GRM7: variants seen among roughly 807,000 people sequenced by gnomAD.
GRM7 encodes the protein glutamate metabotropic receptor 7.
In GRM7, 35 loss-of-function variants were observed where a neutral mutation model predicts 84.5. The ratio of observed to expected loss-of-function variants is 0.41; its 90% CI spans 0.32 to 0.55. The LOEUF is 0.55. Ranked by LOEUF, GRM7 falls within the 20% of genes least tolerant of loss-of-function variation. The pLI, the probability that GRM7 is intolerant of heterozygous loss-of-function variation, is 0.19. For synonymous variants in GRM7, 487 were observed against 455.1 expected (o/e 1.07, Z -0.89); for missense variants, 1,003 against 1,194.6 (o/e 0.84, Z 2.36).
chr3:7,705,456 C>T (rs1211051355), intron 9 of GRM7, among the ~76,000 whole-genome samples: 1 of 152,116 alleles, frequency 6.6e-6, no homozygotes, highest in East Asian at 1.9e-4. Flanking sequence ...ACCACTCATT[C>T]CAGCTAGGGA....
At chr3:7,655,127 G>A (rs1179624705) in intron 8 of GRM7, among the ~76,000 whole-genome samples, 1 of 152,152 alleles carries the variant, frequency 6.6e-6, no homozygotes, top group African/African-American at 2.4e-5. Context: ...TCTGTGGTGG[G>A]TTATTTCAAA....
intron 4 of GRM7, among the ~76,000 whole-genome samples, chr3:7,342,656 C>G (rs1467415836): frequency 7.1e-6 from 1 of 140,082 alleles, no homozygotes; most frequent in Non-Finnish European, 1.5e-5. Flanking sequence ...GGTTCCATCC[C>G]AGACAGAGAA....
At chr3:7,342,923 T>G (rs193234842) in intron 4 of GRM7, among the ~76,000 whole-genome samples, 3 of 152,308 alleles carry the variant, frequency 2.0e-5, no homozygotes, top group Admixed American at 2.0e-4. Flanking sequence ...AAATGCGGTA[T>G]AGTTAACCTC....
chr3:7,160,388 T>C (rs1348960620), intron 2 of GRM7, among the ~76,000 whole-genome samples: 1 of 152,158 alleles, frequency 6.6e-6, no homozygotes, highest in African/African-American at 2.4e-5. Context: ...ATGAGTGATT[T>C]GTGAGGTCTT....
intron 1 of GRM7, among the ~76,000 whole-genome samples, chr3:6,903,876 G>A (rs1186819143): frequency 6.6e-6 from 1 of 152,074 alleles, no homozygotes; most frequent in African/African-American, 2.4e-5. Flanking sequence ...ATGCTAATGA[G>A]GTTGAGTCTT....
At chr3:7,185,283 G>A (rs772501110) in intron 2 of GRM7, among the ~76,000 whole-genome samples, 3 of 152,176 alleles carry the variant, frequency 2.0e-5, no homozygotes, top group African/African-American at 4.8e-5. Context: ...CTGGTTGTGT[G>A]CTCCAGTGCC....
At chr3:6,941,714 C>T (rs1258085696) in intron 1 of GRM7, among the ~76,000 whole-genome samples, 2 of 152,164 alleles carry the variant, frequency 1.3e-5, no homozygotes, top group Non-Finnish European at 2.9e-5. Context: ...ATTTCAGTCT[C>T]TTCATTCATT....
intron 8 of GRM7, among the ~76,000 whole-genome samples, chr3:7,582,726 T>C (rs112039491): frequency 3.9e-5 from 6 of 152,232 alleles, no homozygotes; most frequent in East Asian, 3.9e-4. Context: ...AATGACCAAA[T>C]TGGGGCAACT....
At chr3:7,410,769 T>C (rs1234649868) in intron 4 of GRM7, among the ~76,000 whole-genome samples, 4 of 152,016 alleles carry the variant, frequency 2.6e-5, no homozygotes, top group Non-Finnish European at 5.9e-5. Flanking sequence ...CTGAGAACAA[T>C]GTTATCATTT....
At chr3:7,709,952 C>T (rs908858423) in intron 9 of GRM7, among the ~76,000 whole-genome samples, 10 of 152,120 alleles carry the variant, frequency 6.6e-5, no homozygotes, top group Non-Finnish European at 1.3e-4. Context: ...GACCCAAGCT[C>T]CCTTTTTTCC....
chr3:7,510,701 C>A (rs1006587724), intron 7 of GRM7, among the ~76,000 whole-genome samples: 21 of 151,828 alleles, frequency 1.4e-4, no homozygotes, highest in African/African-American at 4.8e-4. Context: ...CATTGTGCAG[C>A]CCACATGCTA....
chr3:6,902,297 A>C (rs370120693), intron 1 of GRM7, among the ~76,000 whole-genome samples: 1 of 152,198 alleles, frequency 6.6e-6, no homozygotes, highest in African/African-American at 2.4e-5. Context: ...AATGACAGCT[A>C]TCCAAATTGC....
chr3:7,380,924 A>G lies in GRM7; in HGVS notation c.1034-34099A>G, dbSNP rs567680886. On this transcript the variant is annotated intron_variant, in intron 4 of 9. Transcript: ENST00000357716. ...ATTGTAACATCCAAGTCTCTGAAAA[A>G]TTTCTATTAAAATGGAGACTATAAA... 4.6e-5 allele frequency among the ~76,000 whole-genome samples: 7 copies of G among 152,272 alleles called. No homozygotes were observed. In the South Asian group the frequency reaches 1.0e-3, roughly 23 times the overall value.
chr3:7,709,896 T>G (rs1208669942), intron 9 of GRM7, among the ~76,000 whole-genome samples: 23 of 152,110 alleles, frequency 1.5e-4, no homozygotes, highest in Non-Finnish European at 2.2e-4. Context: ...GGTCCACCTT[T>G]CATTCCCCAT....
chr3:7,723,787 C>T (rs1002442935), intron 9 of GRM7, among the ~76,000 whole-genome samples: 1 of 152,120 alleles, frequency 6.6e-6, no homozygotes, highest in African/African-American at 2.4e-5. Context: ...TTTGAGGTTG[C>T]AGTGAGCTAT....
At chr3:7,015,622 A>T (rs536372023) in intron 1 of GRM7, among the ~76,000 whole-genome samples, 2 of 152,372 alleles carry the variant, frequency 1.3e-5, no homozygotes, top group African/African-American at 4.8e-5. Flanking sequence ...ATCAGGTGGC[A>T]GTTGAGATGT....
In GRM7 at chr3:6,950,367, A is replaced by C. The variant is rs553187042; in HGVS notation, c.519+88460A>C. ...GTATCAGCAGCAGTGGCTGCAGAACAGTGGATATTGGTGAACTGCAAATGC... is the reference window on the plus strand; with the variant it reads ...GTATCAGCAGCAGTGGCTGCAGAACCGTGGATATTGGTGAACTGCAAATGC... On this transcript the variant is annotated intron_variant, in intron 1 of 9. Transcript: ENST00000357716. 5.9e-5 allele frequency among the ~76,000 whole-genome samples: 9 copies of C among 152,310 alleles called. No homozygotes were observed. The South Asian group carries it at 1.9e-3, about 32-fold the overall frequency.
intron 1 of GRM7, among the ~76,000 whole-genome samples, chr3:7,058,908 C>T (rs771960593): frequency 6.6e-6 from 1 of 151,872 alleles, no homozygotes; most frequent in Admixed American, 6.6e-5. Flanking sequence ...AAGGTAAAAA[C>T]ATCTTCAAAT....
intron 1 of GRM7, among the ~76,000 whole-genome samples, chr3:6,961,753 A>G (rs1409054830): frequency 6.6e-6 from 1 of 152,120 alleles, no homozygotes; most frequent in Non-Finnish European, 1.5e-5. Flanking sequence ...AACTAGGGCA[A>G]AACCATCCAC....
Sources: gnomAD v4.1 joint callset for allele counts (sites outside exome capture counted in the v4.1 genomes callset) on GRCh38, gnomAD v4.1.1 for gene constraint, MANE v1.5 for transcripts, NCBI Gene and HGNC (gene_info 2026-07-23, HGNC 2026-07-21) for gene names.